The following SLC36A1 variants were observed in gnomAD, a reference collection of about 807,000 sequenced individuals.
SLC36A1 encodes solute carrier family 36 member 1.
In SLC36A1, 30 loss-of-function variants were observed where a neutral mutation model predicts 47.5. The ratio of observed to expected loss-of-function variants is 0.63; its 90% confidence interval spans 0.47 to 0.86. The LOEUF (loss-of-function observed/expected upper bound fraction) is 0.86, where lower values mean the gene tolerates loss of function less well. SLC36A1 is among the 40% of genes least tolerant of loss of function. SLC36A1 has a pLI of 0.00. For synonymous variants in SLC36A1, 255 were observed against 249.7 expected (o/e 1.02, Z -0.20); for missense variants, 517 against 606.0 (o/e 0.85, Z 1.54).
chr5:151,369,143 C>G, the SLC36A1 span, among the ~76,000 whole-genome samples: 1 of 152,184 alleles, frequency 6.6e-6, no homozygotes, highest in African/African-American at 2.4e-5. Flanking sequence ...AAACTATTGA[C>G]TGGAAAAACA....
chr5:151,537,749 A>G, the SLC36A1 span: 1 of 1,570,760 alleles, frequency 6.4e-7, no homozygotes, highest in Non-Finnish European at 8.6e-7. Context: ...CTTGGTATTC[A>G]GTAAAGAAGT....
chr5:151,439,352 C>T (rs777029746), intron 1 of SLC36A1, among the ~76,000 whole-genome samples: 1 of 152,010 alleles, frequency 6.6e-6, no homozygotes, highest in Non-Finnish European at 1.5e-5. Context: ...CAAAAAATCA[C>T]AATAAGAAAT....
the SLC36A1 span, among the ~76,000 whole-genome samples, chr5:151,374,129 G>GGACACCTACCCTGGCCGGAA: frequency 6.6e-6 from 1 of 152,150 alleles, no homozygotes; most frequent in Non-Finnish European, 1.5e-5. Flanking sequence ...GCTGGCTGGA[G>GGACACCTACCCTGGCCGGAA]GACACCTACC....
At chr5:151,426,400 G>C in the SLC36A1 span, among the ~76,000 whole-genome samples, 1 of 151,760 alleles carries the variant, frequency 6.6e-6, no homozygotes, top group African/African-American at 2.4e-5. Context: ...GTGGGGAGAG[G>C]GTCAACAGGA....
chr5:151,505,871 C>T, the SLC36A1 span: 1 of 1,607,038 alleles, frequency 6.2e-7, no homozygotes, highest in Non-Finnish European at 8.5e-7. Context: ...TCAGATCTTC[C>T]AGGTTCTGGT....
chr5:151,381,705 C>A, the SLC36A1 span, among the ~76,000 whole-genome samples: 2 of 152,124 alleles, frequency 1.3e-5, no homozygotes, highest in Non-Finnish European at 2.9e-5. Context: ...TTGTGGCCCC[C>A]ACCCAGGAAC....
At chr5:151,524,356 A>G in the SLC36A1 span, among the ~76,000 whole-genome samples, 1 of 152,132 alleles carries the variant, frequency 6.6e-6, no homozygotes, top group Non-Finnish European at 1.5e-5. Context: ...CAAAATTCAT[A>G]TGTTAAAATC....
chr5:151,554,572 C>T, the SLC36A1 span: 2 of 1,614,182 alleles, frequency 1.2e-6, no homozygotes, highest in East Asian at 2.2e-5. Flanking sequence ...CATTGAAGAG[C>T]TTGTGGGAGA....
chr5:151,520,740 A>C, the SLC36A1 span, among the ~76,000 whole-genome samples: 1 of 152,232 alleles, frequency 6.6e-6, no homozygotes, highest in East Asian at 1.9e-4. Flanking sequence ...CTAGTGACTG[A>C]TGGAGCTAGG....
At chr5:151,413,473 T>G in the SLC36A1 span, among the ~76,000 whole-genome samples, 4 of 152,138 alleles carry the variant, frequency 2.6e-5, no homozygotes, top group Admixed American at 2.6e-4. Context: ...AAATAGCATA[T>G]CAATATCATA....
chr5:151,534,801 C>T, the SLC36A1 span, among the ~76,000 whole-genome samples: 1 of 151,674 alleles, frequency 6.6e-6, no homozygotes, highest in Admixed American at 6.6e-5. Flanking sequence ...CCTGTATCCC[C>T]CCATACCCAT....
At chr5:151,421,211 T>TCCTC in the SLC36A1 span, among the ~76,000 whole-genome samples, 1 of 124,014 alleles carries the variant, frequency 8.1e-6, no homozygotes, top group Non-Finnish European at 1.8e-5. Flanking sequence ...CTTCCTTCCT[T>TCCTC]CCTTCCTCCC....
chr5:151,395,074 GC>G, the SLC36A1 span, among the ~76,000 whole-genome samples: 1 of 152,194 alleles, frequency 6.6e-6, no homozygotes, highest in African/African-American at 2.4e-5. Context: ...CTTCCTGGCC[GC>G]TTTGTTTACC....
intron 1 of SLC36A1, among the ~76,000 whole-genome samples, chr5:151,437,586 CATT>C (rs1759844555): frequency 6.6e-6 from 1 of 152,098 alleles, no homozygotes; most frequent in African/African-American, 2.4e-5. Context: ...AATTGATCAA[CATT>C]ATATTAGGTG....
Position 151,479,400 on chromosome 5 carries a change from T to TC in SLC36A1, c.1071dup (p.Ile358HisfsTer14). ...CTCCAGTTCTACGTCCCGGCTGAGA[T>TC]CATCATCCCCTTCTTTGTGTCCCGA... On this transcript the variant is annotated frameshift_variant, in exon 10 of 11. Coordinates refer to ENST00000243389, the MANE Select transcript of SLC36A1 (RefSeq NM_078483.4). LOFTEE classifies it high-confidence loss of function. 6.2e-7 allele frequency: 1 copy of TC among 1,614,232 alleles called. No homozygotes were observed. Among genetic ancestry groups the TC allele is most frequent in the Non-Finnish European group, 8.5e-7 (1 of 1,180,028 alleles).
chr5:151,507,040 C>G, the SLC36A1 span: 1 of 905,764 alleles, frequency 1.1e-6, no homozygotes. Context: ...TGTCCCATCC[C>G]AAAGGGTTGG....
the SLC36A1 span, chr5:151,544,978 C>T: frequency 5.1e-4 from 821 of 1,614,172 alleles, 8 homozygotes; most frequent in South Asian, 5.3e-3. Context: ...CTGAGCCACC[C>T]GCTGAGGTGT....
chr5:151,408,384 TCA>T, the SLC36A1 span, among the ~76,000 whole-genome samples: 100 of 152,308 alleles, frequency 6.6e-4, no homozygotes, highest in African/African-American at 2.4e-3. Flanking sequence ...TGACAGGGTT[TCA>T]CCATATTAGC....
chr5:151,522,286 G>A, the SLC36A1 span: 3 of 550,824 alleles, frequency 5.4e-6, no homozygotes, highest in Non-Finnish European at 6.4e-6. Flanking sequence ...TGAAGGTTTT[G>A]TAGAGATTGA....
Sources: allele counts gnomAD v4.1 joint callset (sites outside exome capture counted in the v4.1 genomes callset), GRCh38; gene constraint gnomAD v4.1.1; transcripts MANE v1.5; gene names NCBI Gene and HGNC (gene_info 2026-07-23, HGNC 2026-07-21).